The following ACAN variants were observed in gnomAD, a reference collection of about 807,000 sequenced individuals.
ACAN encodes aggrecan core protein.
In ACAN, 47 loss-of-function variants were observed where a neutral mutation model predicts 169.1. The ratio of observed to expected loss-of-function variants is 0.28; its 90% CI spans 0.22 to 0.35. The LOEUF (loss-of-function observed/expected upper bound fraction) is 0.35, where lower values mean the gene tolerates loss of function less well. Ranked by LOEUF, ACAN falls within the 10% of genes least tolerant of loss-of-function variation. ACAN has a pLI of 1.00. For synonymous variants in ACAN, 1,115 were observed against 1,112.2 expected, an observed-to-expected ratio of 1.00 and a Z score of -0.05; for missense variants, 2,716 against 2,759.9, an observed-to-expected ratio of 0.98 and a Z score of 0.36.
chr15:88,874,730 G>C lies in ACAN; in HGVS notation c.*249G>C. On this transcript the variant is annotated 3_prime_UTR_variant, in exon 19 of 19. Transcript: ENST00000560601. The surrounding 1 kb of genome is among the most constrained non-coding windows in gnomAD (Gnocchi z 7.3). ...TATTATAACCCTTGGACTGAGTTTA[G>C]AGACATTTCTTCAATTTCCCATCGT... 2 of 568,090 alleles carry C rather than the reference G, an allele frequency of 3.5e-6. No homozygotes were observed. The highest frequency in any genetic ancestry group is 6.5e-6 in the Non-Finnish European group (2 of 308,994). 35.2% of individuals were successfully genotyped at this position (568,090 alleles called of 1,614,324 possible).
Position 88,857,829 on chromosome 15 carries a change from A to C in ACAN, c.5244A>C (p.Glu1748Asp). The change falls in exon 12 of 19, where the codon GAA becomes GAC. Residue 1748 changes from glutamate (E) to aspartate (D), a missense_variant. Coordinates refer to ENST00000560601, the MANE Select transcript of ACAN (RefSeq NM_001369268.1). ...CAGGGTTTCCTGACACTAGTGGGGA[A>C]ACATCTGGAGTGACTGAGCTTAGCG... ...QPSGFPDTSG[E>D]TSGVTELSGL... 6.2e-7 allele frequency: 1 copy of C among 1,613,876 alleles called. No homozygotes were observed. Among genetic ancestry groups the C allele is most frequent in the Non-Finnish European group, 8.5e-7 (1 of 1,179,880 alleles).
intron 13 of ACAN, among the ~76,000 whole-genome samples, chr15:88,867,307 A>T (rs1370973131): frequency 6.6e-6 from 1 of 152,216 alleles, no homozygotes; most frequent in Non-Finnish European, 1.5e-5. Flanking sequence ...AGAAGAACAG[A>T]AGAGAAGAGC....
At position 88,845,862 on chromosome 15, in the gene ACAN, G is replaced by A. The variant is rs749892328; in HGVS notation, c.1409G>A (p.Gly470Glu). The A allele has an allele frequency of 7.5e-6, 11 of 1,457,668 alleles. No homozygotes were observed. In the Middle Eastern group the frequency reaches 5.5e-4, roughly 72 times the overall value. 90.3% of individuals were successfully genotyped at this position (1,457,668 alleles called of 1,614,324 possible). A position where few individuals can be genotyped will look rare whatever the true frequency, so the allele number is the denominator to read the frequency against. ...DLVVQVTAVP[G>E]QPHLPGGVVF... ...GTCGTGCAGGTGACCGCTGTCCCTG[G>A]GCAGCCGCATTTGCCAGGGGGTAAG... is the stretch of plus-strand genomic sequence containing the variant. Residue 470 changes from glycine to glutamate, a missense_variant, in exon 7 of 19, where the codon GGG becomes GAG. Around this residue, in one of 3 missense-constraint regions of ACAN, gnomAD observed 1,283 missense variants for 1,281.5 expected, o/e 1.00. Transcript: ENST00000560601.
intron 2 of ACAN, among the ~76,000 whole-genome samples, chr15:88,837,304 C>T (rs756616655): frequency 2.0e-5 from 3 of 152,216 alleles, no homozygotes; most frequent in Non-Finnish European, 4.4e-5. Context: ...CACCCAGCCA[C>T]TACAGCCCAA....
Position 88,857,528 on chromosome 15 carries a change from A to G in ACAN, c.4943A>G (p.Asp1648Gly), listed in dbSNP as rs1429853960. The G allele has an allele frequency of 1.2e-6, 2 of 1,613,758 alleles. No individual in the cohort carries two copies. The highest frequency in any genetic ancestry group is 1.3e-5 in the African/African-American group (1 of 74,912). ...LGSGPPSGLPDFSGLPSGFPT... is the reference protein window; with the variant it reads ...LGSGPPSGLPGFSGLPSGFPT... Reference sequence around the variant, plus strand: ...AGTGGCCCACCCTCTGGCCTGCCTGACTTTAGTGGACTTCCATCTGGATTC... The same window carrying G: ...AGTGGCCCACCCTCTGGCCTGCCTGGCTTTAGTGGACTTCCATCTGGATTC... Residue 1648 changes from aspartate to glycine, a missense_variant, in exon 12 of 19, where the codon GAC becomes GGC. Physicochemically the swap from Asp to Gly is moderately conservative, Grantham distance 94 (BLOSUM62 -1). This residue lies in a region of ACAN where 1,389 missense variants were observed against 1,363.7 expected (regional missense o/e 1.02). Transcript: ENST00000560601.
At position 88,838,550 on chromosome 15, in the gene ACAN, C is replaced by T. The variant is rs370409497; in HGVS notation, c.71-113C>T. On this transcript the variant is annotated intron_variant, in intron 2 of 18. Coordinates refer to ENST00000560601, the MANE Select transcript of ACAN (RefSeq NM_001369268.1). The surrounding 1 kb of genome is among the most constrained non-coding windows in gnomAD (Gnocchi z 5.1). ...TCCCCATCATAGAGACAGACACACTCATCGGATTTCGCTCTCTCAGGAGAG... is the reference window on the plus strand; with the variant it reads ...TCCCCATCATAGAGACAGACACACTTATCGGATTTCGCTCTCTCAGGAGAG... 3.4e-4 allele frequency: 433 copies of T among 1,272,054 alleles called. 3 individuals are homozygous for T. The South Asian group carries it at 4.0e-3, about 12-fold the overall frequency. 78.8% of individuals were successfully genotyped at this position (1,272,054 alleles called of 1,614,324 possible). A position where few individuals can be genotyped will look rare whatever the true frequency, so the allele number is the denominator to read the frequency against.
intron 12 of ACAN, 108 bp downstream of exon 12, chr15:88,859,525 C>A: frequency 6.9e-7 from 1 of 1,451,182 alleles, no homozygotes; most frequent in Non-Finnish European, 9.4e-7. Context: ...ACAACTCCAC[C>A]AAAGGTTAGC....
At position 88,874,271 on chromosome 15, in the gene ACAN, A is replaced by G; in HGVS notation, c.7631-134A>G. On this transcript the variant is annotated intron_variant, in intron 18 of 18. Transcript: ENST00000560601. The surrounding 1 kb of genome is among the most constrained non-coding windows in gnomAD (Gnocchi z 7.3). ...AGAAAGTCCAAGAAAAATCCAAATCAGGAAAGCCGATAAAGCCTCAGGCGC... is the reference window on the plus strand; with the variant it reads ...AGAAAGTCCAAGAAAAATCCAAATCGGGAAAGCCGATAAAGCCTCAGGCGC... 1 of 1,073,306 alleles carries G rather than the reference A, an allele frequency of 9.3e-7. No homozygotes were observed. The highest frequency in any genetic ancestry group is 2.6e-5 in the East Asian group (1 of 38,706). The allele number at this position is 1,073,306 out of a possible 1,614,324, so 66.5% of individuals were successfully genotyped here. A position where few individuals can be genotyped will look rare whatever the true frequency, so the allele number is the denominator to read the frequency against.
At chr15:88,867,907 C>T (rs962914074) in intron 13 of ACAN, among the ~76,000 whole-genome samples, 3 of 152,184 alleles carry the variant, frequency 2.0e-5, no homozygotes, top group African/African-American at 4.8e-5. Context: ...CTATGTTCCC[C>T]GTCAGAAAAG....
chr15:88,851,568 G>T lies in ACAN; in HGVS notation c.2027-226G>T. ...CCCGGCATATATGGTCAATTCTGCA[G>T]GGGAGATGCCCCAGATCACTGGAAC... is the stretch of plus-strand genomic sequence containing the variant. On this transcript the variant is annotated intron_variant, in intron 10 of 18. Coordinates refer to ENST00000560601, the MANE Select transcript of ACAN (RefSeq NM_001369268.1). The surrounding 1 kb of genome is among the most constrained non-coding windows in gnomAD (Gnocchi z 4.3). The T allele has an allele frequency of 1.9e-6, 1 of 516,758 alleles. No homozygotes were observed. Among genetic ancestry groups the T allele is most frequent in the Non-Finnish European group, 3.4e-6 (1 of 292,956 alleles). The allele number at this position is 516,758 out of a possible 1,614,324, so 32.0% of individuals were successfully genotyped here.
intron 4 of ACAN, among the ~76,000 whole-genome samples, chr15:88,840,571 C>A (rs1320192888): frequency 6.6e-6 from 1 of 152,152 alleles, no homozygotes; most frequent in African/African-American, 2.4e-5. Flanking sequence ...CTTGGTACAT[C>A]CTTCCCTGAG....
At chr15:88,822,735 C>G (rs1013728914) in intron 1 of ACAN, among the ~76,000 whole-genome samples, 1 of 152,082 alleles carries the variant, frequency 6.6e-6, no homozygotes, top group Non-Finnish European at 1.5e-5. Flanking sequence ...CGCCTGGCCG[C>G]TAACTACATG....
chr15:88,825,190 G>C (rs1169699710), intron 1 of ACAN, among the ~76,000 whole-genome samples: 1 of 152,134 alleles, frequency 6.6e-6, no homozygotes, highest in African/African-American at 2.4e-5. Context: ...GGAAGGAGCT[G>C]GATTTTTCTC....
At chr15:88,817,179 T>C (rs1355470526) in intron 1 of ACAN, among the ~76,000 whole-genome samples, 1 of 152,212 alleles carries the variant, frequency 6.6e-6, no homozygotes, top group African/African-American at 2.4e-5. Flanking sequence ...CCTTGATTTG[T>C]CACCCAGGCT....
intron 13 of ACAN, among the ~76,000 whole-genome samples, chr15:88,865,222 C>T (rs1897260937): frequency 6.6e-6 from 1 of 152,142 alleles, no homozygotes; most frequent in Non-Finnish European, 1.5e-5. Flanking sequence ...CCCCAGAGTC[C>T]CTGCTCAGTG....
chr15:88,809,175 C>T (rs1895758882), intron 1 of ACAN, among the ~76,000 whole-genome samples: 1 of 152,210 alleles, frequency 6.6e-6, no homozygotes, highest in Admixed American at 6.5e-5. Flanking sequence ...ACAGCATCCA[C>T]ACGTGTGATC....
In ACAN at chr15:88,871,351, C is replaced by T. The variant is rs756714364; in HGVS notation, c.7061-31C>T. The T allele has an allele frequency of 1.5e-5, 25 of 1,613,140 alleles. No individual in the cohort carries two copies. The African/African-American group carries it at 3.1e-4, about 20-fold the overall frequency. On this transcript the variant is annotated intron_variant, in intron 14 of 18. Transcript: ENST00000560601. This position sits in a 1 kb window ranked among gnomAD's most constrained non-coding sequence, Gnocchi z 7.8. ...CTGCCATCCCCTGGTGGCCTCTGCC[C>T]CTCCCTTCAAGCCCCTGACCTGTGT...
At position 88,858,055 on chromosome 15, in the gene ACAN, G is replaced by A. The variant is rs375361510; in HGVS notation, c.5470G>A (p.Gly1824Ser). The change falls in exon 12 of 19, where the codon GGT (glycine) becomes AGT (serine). Residue 1824 changes from glycine to serine, a missense_variant. Around this residue, in one of 3 missense-constraint regions of ACAN, gnomAD observed 1,389 missense variants for 1,363.7 expected, o/e 1.02. Transcript: ENST00000560601. This position sits in a 1 kb window ranked among gnomAD's most constrained non-coding sequence, Gnocchi z 4.0. The stretch of plus-strand genomic sequence containing the variant: ...GGTTTCTGGTACCACGAGTGGCAGC[G>A]GTGAATCTTCTGGGATTACATTTGT... ...DLVSGTTSGS[G>S]ESSGITFVDT... The A allele has an allele frequency of 5.3e-5, 86 of 1,613,776 alleles. No individual in the cohort carries two copies. Among genetic ancestry groups the A allele is most frequent in the Middle Eastern group, 3.3e-4 (2 of 6,084 alleles).
At position 88,807,122 on chromosome 15, in the gene ACAN, C is replaced by T. The variant is rs1450727613; in HGVS notation, c.-8+3313C>T. The stretch of plus-strand genomic sequence containing the variant: ...TGGCCCTAGGTGGCAGGTGCTGGGG[C>T]ATCCTTGCTGCCACTGCACCAAGTG... On this transcript the variant is annotated intron_variant, in intron 1 of 18. Transcript: ENST00000560601. The surrounding 1 kb of genome is among the most constrained non-coding windows in gnomAD (Gnocchi z 4.0). Among the ~76,000 whole-genome samples the T allele has an allele frequency of 1.3e-5, 2 of 152,094 alleles. No homozygotes were observed. Among genetic ancestry groups the T allele is most frequent in the East Asian group, 3.9e-4 (2 of 5,192 alleles).
Sources: allele counts gnomAD v4.1 joint callset (sites outside exome capture counted in the v4.1 genomes callset), GRCh38; gene constraint gnomAD v4.1.1; regional missense constraint gnomAD v4.1.1; non-coding constraint Gnocchi (gnomAD v3.1); transcripts MANE v1.5; gene names NCBI Gene and HGNC (gene_info 2026-07-23, HGNC 2026-07-21).